The following MSRA variants were observed in gnomAD, a reference collection of about 807,000 sequenced individuals.
The protein encoded by MSRA is methionine sulfoxide reductase A, also known as mitochondrial peptide methionine sulfoxide reductase.
Under a neutral mutation model 31.3 loss-of-function variants are expected in MSRA, and 54 were observed. The ratio of observed to expected loss-of-function variants is 1.73; its 90% confidence interval spans 1.39 to 2.17. The LOEUF is 2.17. Ranked by LOEUF, MSRA falls within the 30% of genes most tolerant of loss-of-function variation. The pLI, the probability that MSRA is intolerant of heterozygous loss-of-function variation, is 0.00. For synonymous variants in MSRA, 169 were observed against 116.5 expected (o/e 1.45, Z -2.90); for missense variants, 507 against 300.9 (o/e 1.69, Z -5.07).
intron 1 of MSRA, among the ~76,000 whole-genome samples, chr8:10,134,186 G>A (rs564694957): frequency 3.3e-5 from 5 of 152,046 alleles, no homozygotes; most frequent in African/African-American, 4.8e-5. Flanking sequence ...TGCCTTTCTC[G>A]TGCCATCCGA....
intron 5 of MSRA, among the ~76,000 whole-genome samples, chr8:10,328,058 C>CAGTGACACTCTGAGTGTA (rs1802478796): frequency 1.6e-5 from 1 of 62,820 alleles, no homozygotes; most frequent in Non-Finnish European, 2.7e-5. Flanking sequence ...TTTTTAGTAT[C>CAGTGACACTCTGAGTGTA]AGTGACACTC....
At chr8:10,340,379 A>G (rs920137933) in intron 5 of MSRA, among the ~76,000 whole-genome samples, 1 of 152,158 alleles carries the variant, frequency 6.6e-6, no homozygotes, top group Admixed American at 6.5e-5. Flanking sequence ...GTTATTATCT[A>G]TCTATCTATC....
chr8:10,136,189 C>CGGGCAGAGAGGAGCTCTGCG (rs1340129559), intron 1 of MSRA, among the ~76,000 whole-genome samples: 8 of 152,210 alleles, frequency 5.3e-5, no homozygotes, highest in South Asian at 2.1e-4. Context: ...ACAGGGACCC[C>CGGGCAGAGAGGAGCTCTGCG]GGGCAGAGAG....
chr8:10,228,159 G>C (rs528850352), intron 2 of MSRA, among the ~76,000 whole-genome samples: 2 of 152,060 alleles, frequency 1.3e-5, no homozygotes, highest in African/African-American at 4.8e-5. Flanking sequence ...TTGAGCTCAG[G>C]ATATTTCTGG....
At chr8:10,127,600 G>T (rs904633984) in intron 1 of MSRA, among the ~76,000 whole-genome samples, 7 of 152,184 alleles carry the variant, frequency 4.6e-5, no homozygotes, top group African/African-American at 1.7e-4. Context: ...ATGTTTTCCA[G>T]AGATCCTTCC....
chr8:10,239,441 T>A (rs1228504746), intron 2 of MSRA, among the ~76,000 whole-genome samples: 1 of 152,228 alleles, frequency 6.6e-6, no homozygotes, highest in Admixed American at 6.5e-5. Flanking sequence ...ATTACAGGCA[T>A]GAGCCACCAC....
intron 3 of MSRA, among the ~76,000 whole-genome samples, chr8:10,265,218 G>C (rs1287404914): frequency 6.6e-6 from 1 of 152,144 alleles, no homozygotes; most frequent in African/African-American, 2.4e-5. Flanking sequence ...AGGAGGGCTG[G>C]GTCATATACC....
At chr8:10,227,924 C>T (rs965908141) in intron 2 of MSRA, among the ~76,000 whole-genome samples, 1 of 152,148 alleles carries the variant, frequency 6.6e-6, no homozygotes, top group Non-Finnish European at 1.5e-5. Flanking sequence ...GTAAAGAGCA[C>T]AGAAGATAAA....
intron 5 of MSRA, among the ~76,000 whole-genome samples, chr8:10,400,106 T>C (rs925817156): frequency 7.2e-5 from 11 of 151,780 alleles, no homozygotes; most frequent in Admixed American, 2.0e-4. Context: ...TGATAAACCA[T>C]TGTCATAGAA....
At chr8:10,296,522 AATG>A (rs1221345140) in intron 3 of MSRA, among the ~76,000 whole-genome samples, 1 of 152,194 alleles carries the variant, frequency 6.6e-6, no homozygotes, top group African/African-American at 2.4e-5. Flanking sequence ...TCTGTGTTGG[AATG>A]ATGGTTTAAG....
At chr8:10,417,514 G>A (rs924294549) in intron 5 of MSRA, among the ~76,000 whole-genome samples, 3 of 151,872 alleles carry the variant, frequency 2.0e-5, no homozygotes, top group African/African-American at 4.8e-5. Flanking sequence ...CCCCTTCCTT[G>A]TGGCTGAACC....
chr8:10,167,810 G>A (rs990161425), intron 1 of MSRA, among the ~76,000 whole-genome samples: 1 of 151,942 alleles, frequency 6.6e-6, no homozygotes, highest in Non-Finnish European at 1.5e-5. Context: ...CAAACAGAAG[G>A]GTACATAAAA....
At chr8:10,396,006 C>T (rs959119932) in intron 5 of MSRA, among the ~76,000 whole-genome samples, 4 of 152,182 alleles carry the variant, frequency 2.6e-5, no homozygotes, top group African/African-American at 9.7e-5. Flanking sequence ...TGGTATGGCT[C>T]CATTTCTGTT....
At chr8:10,424,155 G>A (rs903265737) in intron 5 of MSRA, among the ~76,000 whole-genome samples, 8 of 152,266 alleles carry the variant, frequency 5.3e-5, no homozygotes, top group Non-Finnish European at 1.0e-4. Flanking sequence ...CTCAGAGATG[G>A]ATAGGAGTTC....
At chr8:10,301,727 TGAAATCACACA>T in intron 4 of MSRA, 89 bp downstream of exon 4, 1 of 1,033,332 alleles carries the variant, frequency 9.7e-7, no homozygotes, top group South Asian at 1.5e-5. Context: ...AGATGAACCT[TGAAATCACACA>T]GGAGCTCAAG....
intron 5 of MSRA, among the ~76,000 whole-genome samples, chr8:10,409,523 C>G (rs545557672): frequency 6.6e-6 from 1 of 152,314 alleles, no homozygotes; most frequent in East Asian, 1.9e-4. Flanking sequence ...ACTGCCTCTC[C>G]TCTCCTTTGC....
chr8:10,066,204 C>G (rs1041234615), intron 1 of MSRA, among the ~76,000 whole-genome samples: 1 of 152,054 alleles, frequency 6.6e-6, no homozygotes, highest in Non-Finnish European at 1.5e-5. Context: ...CCAGGCTGGT[C>G]TTGAACTCCT....
intron 2 of MSRA, among the ~76,000 whole-genome samples, chr8:10,227,774 A>C (rs1161957723): frequency 1.3e-5 from 2 of 152,174 alleles, no homozygotes; most frequent in Admixed American, 6.5e-5. Flanking sequence ...CAAATACTGA[A>C]AATATCAATC....
At chr8:10,260,461 A>G (rs536394782) in intron 3 of MSRA, among the ~76,000 whole-genome samples, 463 of 152,332 alleles carry the variant, frequency 3.0e-3, no homozygotes, top group Non-Finnish European at 5.3e-3. Context: ...CTAGCGGCAC[A>G]CGTACACAAG....
Sources: gnomAD v4.1 joint callset for allele counts (sites outside exome capture counted in the v4.1 genomes callset) on GRCh38, gnomAD v4.1.1 for gene constraint, MANE v1.5 for transcripts, NCBI Gene and HGNC (gene_info 2026-07-23, HGNC 2026-07-21) for gene names.